Variants in MYO7A observed in about 807,000 individuals in gnomAD.
MYO7A encodes myosin VIIA.
In MYO7A, 210 loss-of-function variants were observed where a neutral mutation model predicts 263.8. The observed-to-expected ratio is 0.80, with a 90% CI of 0.71 to 0.89. The LOEUF (loss-of-function observed/expected upper bound fraction) is 0.89, where lower values mean the gene tolerates loss of function less well. Ranked by LOEUF, MYO7A falls within the 40% of genes least tolerant of loss-of-function variation. MYO7A has a pLI of 0.00. For synonymous variants in MYO7A, 1,239 were observed against 1,197.3 expected, an observed-to-expected ratio of 1.03 and a Z score of -0.72; for missense variants, 2,820 against 2,968.3, an observed-to-expected ratio of 0.95 and a Z score of 1.16.
At chr11:77,156,545 T>G in intron 5 of MYO7A, 115 bp from the exon 6 acceptor site, 3 of 1,463,452 alleles carry the variant, frequency 2.0e-6, no homozygotes, top group Non-Finnish European at 2.8e-6. Flanking sequence ...GGGTCCGTAT[T>G]GTCAGCTGAT....
rs533827260 is a variant in MYO7A at position 77,133,443 on chromosome 11, T to C, written c.18+2791T>C. ...TTGTGGGCTGTTGATAACAGTTGGA[T>C]TGATGCTTTTAGTAAAATATAATGT... On this transcript the variant is annotated intron_variant, in intron 2 of 48. Transcript: ENST00000409709. Among the ~76,000 whole-genome samples, 4 of 152,326 alleles carry C rather than the reference T, an allele frequency of 2.6e-5. No homozygotes were observed. In the East Asian group the frequency reaches 7.7e-4, roughly 29 times the overall value.
At position 77,160,228 on chromosome 11, in the gene MYO7A, G is replaced by A. The variant is rs1555067551; in HGVS notation, c.1146G>A (p.Val382=). ...CCCTCATCACCCGCGGGGAGACGGTGTCCACCCCACTGAGCAGGGAACAGG... is the reference window on the plus strand; with the variant it reads ...CCCTCATCACCCGCGGGGAGACGGTATCCACCCCACTGAGCAGGGAACAGG... The part of the protein sequence containing the change: ...SRTLITRGET[V]STPLSREQAL... The change falls in exon 11 of 49, where the codon GTG becomes GTA. Residue 382 remains valine (V), a synonymous_variant. Transcript: ENST00000409709. The A allele has an allele frequency of 1.3e-6, 2 of 1,581,650 alleles. No individual in the cohort carries two copies. Among genetic ancestry groups the A allele is most frequent in the Non-Finnish European group, 1.7e-6 (2 of 1,164,470 alleles).
intron 4 of MYO7A, among the ~76,000 whole-genome samples, chr11:77,153,562 TC>T (rs572482459): frequency 1.1e-3 from 167 of 152,268 alleles, no homozygotes; most frequent in African/African-American, 3.8e-3. Flanking sequence ...TCTCTGGACT[TC>T]CCGTGCCTTG....
At chr11:77,157,526 C>G in intron 8 of MYO7A, 134 bp downstream of exon 8, 1 of 642,964 alleles carries the variant, frequency 1.6e-6, no homozygotes, top group Non-Finnish European at 2.7e-6. Flanking sequence ...CTTGTCTGGA[C>G]ACCAAGGAGA....
In MYO7A at chr11:77,162,250, A is replaced by G; in HGVS notation, c.1474A>G (p.Asn492Asp). The change falls in exon 13 of 49, where the codon AAC (asparagine) becomes GAC (aspartate). Residue 492 changes from asparagine to aspartate, a missense_variant. Coordinates refer to ENST00000409709, the MANE Select transcript of MYO7A (RefSeq NM_000260.4). ...IDWLHIEFTD[N>D]QDALDMIANK... Reference sequence around the variant, plus strand: ...CTGGCTGCACATCGAGTTCACTGACAACCAGGATGCCCTGGACATGATTGC... The same window carrying G: ...CTGGCTGCACATCGAGTTCACTGACGACCAGGATGCCCTGGACATGATTGC... The G allele has an allele frequency of 6.4e-7, 1 of 1,561,012 alleles. No individual in the cohort carries two copies. The highest frequency in any genetic ancestry group is 8.7e-7 in the Non-Finnish European group (1 of 1,151,896).
Position 77,214,342 on chromosome 11 carries a change from G to C in MYO7A, c.6559-265G>C, listed in dbSNP as rs143444687. On this transcript the variant is annotated intron_variant, in intron 48 of 48. Transcript: ENST00000409709. ...GCATAGCTCAACTGAGAGCCAGTAGGGTCACTCTTGGAGGGAGGGATCCGT... is the reference window on the plus strand; with the variant it reads ...GCATAGCTCAACTGAGAGCCAGTAGCGTCACTCTTGGAGGGAGGGATCCGT... 4.1e-3 allele frequency among the ~76,000 whole-genome samples: 629 copies of C among 152,292 alleles called. 3 individuals are homozygous for C. The highest frequency in any genetic ancestry group is 5.9e-3 in the Non-Finnish European group (401 of 68,026).
At position 77,207,407 on chromosome 11, in the gene MYO7A, G is replaced by C. The variant is rs1386887007; in HGVS notation, c.5856+5G>C. On this transcript the variant is annotated splice_donor_5th_base_variant and intron_variant, in intron 42 of 48. Transcript: ENST00000409709. ...TTTGTCAAAATTGCAGACAAGGTGG[G>C]TCCTTTGCCACCTTCGCCAAGGTGG... 1 of 1,586,888 alleles carries C rather than the reference G, an allele frequency of 6.3e-7. No homozygotes were observed. The highest frequency in any genetic ancestry group is 1.1e-5 in the South Asian group (1 of 88,160).
At chr11:77,180,034 G>A in intron 21 of MYO7A, 81 bp downstream of exon 21, 6 of 1,400,166 alleles carry the variant, frequency 4.3e-6, no homozygotes, top group Non-Finnish European at 5.7e-6. Flanking sequence ...GTGTTGGCCA[G>A]GAAGTGGGAC....
chr11:77,184,623 G>T lies in MYO7A; in HGVS notation c.3411G>T (p.Val1137=). The change falls in exon 27 of 49, where the codon GTG becomes GTT. Residue 1137 remains valine, a synonymous_variant. Transcript: ENST00000409709. ...TKRLHDGEST[V]QGNSMLEDRP... Reference sequence around the variant, plus strand: ...GGCTGCATGACGGGGAGTCCACAGTGCAGGGCAACAGCATGCTGGAGGACC... The same window carrying T: ...GGCTGCATGACGGGGAGTCCACAGTTCAGGGCAACAGCATGCTGGAGGACC... The T allele has an allele frequency of 6.3e-7, 1 of 1,576,300 alleles. No homozygotes were observed. The highest frequency in any genetic ancestry group is 1.3e-5 in the African/African-American group (1 of 74,252).
At chr11:77,180,608 C>A in intron 22 of MYO7A, 127 bp downstream of exon 22, 1 of 768,430 alleles carries the variant, frequency 1.3e-6, no homozygotes, top group Non-Finnish European at 2.1e-6. Flanking sequence ...CCACACTAGA[C>A]CCACTCAGCC....
intron 39 of MYO7A, among the ~76,000 whole-genome samples, chr11:77,204,765 C>T (rs969210931): frequency 2.4e-4 from 36 of 152,318 alleles, no homozygotes; most frequent in Non-Finnish European, 4.4e-4. Context: ...CCCAGCCCCC[C>T]GCCTTCCTCC....
At chr11:77,158,570 G>A in intron 9 of MYO7A, 140 bp downstream of exon 9, 1 of 1,142,974 alleles carries the variant, frequency 8.7e-7, no homozygotes, top group Non-Finnish European at 1.2e-6. Context: ...GAATTCGCCT[G>A]TGGGTAGATT....
chr11:77,133,668 G>T (rs1950830724), intron 2 of MYO7A, among the ~76,000 whole-genome samples: 1 of 152,028 alleles, frequency 6.6e-6, no homozygotes, highest in Admixed American at 6.5e-5. Context: ...TTTTTGTTTT[G>T]TTTTGTTTTT....
chr11:77,145,925 T>C (rs1245895676), intron 3 of MYO7A, among the ~76,000 whole-genome samples: 3 of 152,214 alleles, frequency 2.0e-5, no homozygotes, highest in Non-Finnish European at 4.4e-5. Context: ...GACTGACTTC[T>C]GCCTCTCATT....
At chr11:77,188,750 C>G (rs1955817197) in intron 27 of MYO7A, among the ~76,000 whole-genome samples, 1 of 152,180 alleles carries the variant, frequency 6.6e-6, no homozygotes, top group African/African-American at 2.4e-5. Flanking sequence ...AAATGAACAC[C>G]AAAAAATTAC....
chr11:77,159,403 G>GGCCACCCCC, intron 9 of MYO7A, 44 bp from the exon 10 acceptor site: 1 of 711,722 alleles, frequency 1.4e-6, no homozygotes. Flanking sequence ...TGCCCCTGTT[G>GGCCACCCCC]CCCACCCTCC....
chr11:77,183,040 T>C, intron 25 of MYO7A, 28 bp from the exon 26 acceptor site: 1 of 1,544,956 alleles, frequency 6.5e-7, no homozygotes, highest in Non-Finnish European at 8.8e-7. Context: ...GCTCAGCCAC[T>C]TGACCCTGAT....
intron 3 of MYO7A, among the ~76,000 whole-genome samples, chr11:77,145,265 T>G (rs1477138524): frequency 6.6e-6 from 1 of 152,188 alleles, no homozygotes; most frequent in Non-Finnish European, 1.5e-5. Context: ...TCTACAGACC[T>G]GGCAGGAGAA....
At position 77,181,789 on chromosome 11, in the gene MYO7A, T is replaced by G. The variant is rs59698916; in HGVS notation, c.2905-162T>G. ...CAAGTTTTTTTTTTTGTTTTTTTTTTTTTTTTTTTTTTTGAGATGGGGTCG... is the reference window on the plus strand; with the variant it reads ...CAAGTTTTTTTTTTTGTTTTTTTTTGTTTTTTTTTTTTTGAGATGGGGTCG... On this transcript the variant is annotated intron_variant, in intron 23 of 48. Coordinates refer to ENST00000409709, the MANE Select transcript of MYO7A (RefSeq NM_000260.4). Among the ~76,000 whole-genome samples, 57,821 of 119,908 alleles carry G rather than the reference T, an allele frequency of 0.48. 12,303 individuals are homozygous for G. The highest frequency in any genetic ancestry group is 0.55 in the African/African-American group (20,146 of 36,726). 78.7% of individuals were successfully genotyped at this position (119,908 alleles called of 152,430 possible).
Sources: gnomAD v4.1 joint callset for allele counts (sites outside exome capture counted in the v4.1 genomes callset) on GRCh38, gnomAD v4.1.1 for gene constraint, MANE v1.5 for transcripts, NCBI Gene and HGNC (gene_info 2026-07-23, HGNC 2026-07-21) for gene names.